The following UCHL3 variants were observed in gnomAD, a reference collection of about 807,000 sequenced individuals.
UCHL3 encodes ubiquitin C-terminal hydrolase L3, also known as ubiquitin carboxyl-terminal hydrolase isozyme L3.
In UCHL3, 22 loss-of-function variants were observed where a neutral mutation model predicts 35.8. The observed-to-expected ratio is 0.61, with a 90% confidence interval of 0.44 to 0.88. UCHL3 has a LOEUF of 0.88. UCHL3 is among the 40% of genes least tolerant of loss of function. The pLI is 0.00. For synonymous variants in UCHL3, 90 were observed against 92.8 expected, an observed-to-expected ratio of 0.97 and a Z score of 0.17; for missense variants, 229 against 276.9, an observed-to-expected ratio of 0.83 and a Z score of 1.23.
At chr13:75,604,054 AT>A (rs1283590813) in intron 7 of UCHL3, among the ~76,000 whole-genome samples, 1 of 152,124 alleles carries the variant, frequency 6.6e-6, no homozygotes, top group African/African-American at 2.4e-5. Context: ...AATTTTTATT[AT>A]GGTTAGAAAC....
intron 6 of UCHL3, among the ~76,000 whole-genome samples, chr13:75,591,188 TATACTC>T (rs1305967986): frequency 1.3e-5 from 2 of 152,236 alleles, no homozygotes; most frequent in Admixed American, 1.3e-4. Flanking sequence ...CTTCTAGTGT[TATACTC>T]AAACTGTGAA....
intron 6 of UCHL3, among the ~76,000 whole-genome samples, chr13:75,571,612 A>G (rs2031858875): frequency 6.6e-6 from 1 of 152,016 alleles, no homozygotes; most frequent in Non-Finnish European, 1.5e-5. Flanking sequence ...GTTCTCATTC[A>G]TTTTCACACA....
intron 7 of UCHL3, among the ~76,000 whole-genome samples, chr13:75,597,970 G>C (rs1313238934): frequency 1.3e-5 from 2 of 152,082 alleles, no homozygotes; most frequent in Admixed American, 6.6e-5. Flanking sequence ...TATGTAAAGG[G>C]GAAGAAGTAC....
intron 6 of UCHL3, among the ~76,000 whole-genome samples, chr13:75,579,197 A>G (rs2032109930): frequency 6.6e-6 from 1 of 152,098 alleles, no homozygotes; most frequent in Admixed American, 6.5e-5. Flanking sequence ...GATATTAGGA[A>G]GAAGCTTAGT....
chr13:75,550,264 G>C (rs2073644315), intron 2 of UCHL3, among the ~76,000 whole-genome samples: 1 of 152,138 alleles, frequency 6.6e-6, no homozygotes, highest in African/African-American at 2.4e-5. Context: ...CTTTTACCCT[G>C]TATTCCTATT....
chr13:75,577,216 C>T (rs1237739496), intron 6 of UCHL3, among the ~76,000 whole-genome samples: 44 of 152,104 alleles, frequency 2.9e-4, no homozygotes, highest in Admixed American at 2.7e-3. Flanking sequence ...TGCTGCTGCA[C>T]TCCAGCCTGG....
intron 6 of UCHL3, chr13:75,589,972 G>C (rs1298906823): frequency 4.6e-6 from 6 of 1,304,504 alleles, no homozygotes; most frequent in Non-Finnish European, 6.1e-6. Flanking sequence ...CCTCATTCTA[G>C]CCACTGCAGA....
At chr13:75,592,446 A>ATG (rs1555276763) in intron 6 of UCHL3, among the ~76,000 whole-genome samples, 7 of 71,072 alleles carry the variant, frequency 9.8e-5, no homozygotes, top group African/African-American at 2.0e-4. Flanking sequence ...ATATATATAT[A>ATG]TATATATATA....
At chr13:75,569,568 G>A (rs1164368801) in intron 6 of UCHL3, 61 bp downstream of exon 6, 4 of 1,462,784 alleles carry the variant, frequency 2.7e-6, no homozygotes, top group African/African-American at 2.8e-5. Flanking sequence ...ATTTCTTGCT[G>A]TAAATTTAAC....
intron 2 of UCHL3, among the ~76,000 whole-genome samples, chr13:75,556,065 T>C (rs1472140675): frequency 1.3e-5 from 2 of 152,244 alleles, no homozygotes; most frequent in Non-Finnish European, 2.9e-5. Context: ...TCATAAAATA[T>C]GCCTCCTATA....
intron 6 of UCHL3, among the ~76,000 whole-genome samples, chr13:75,587,437 A>G (rs1269579037): frequency 6.6e-6 from 1 of 152,098 alleles, no homozygotes; most frequent in Non-Finnish European, 1.5e-5. Context: ...AAAGTATTAT[A>G]TCAATATAAA....
intron 5 of UCHL3, 52 bp downstream of exon 5, chr13:75,567,364 T>A: frequency 6.6e-7 from 1 of 1,510,876 alleles, no homozygotes; most frequent in Non-Finnish European, 9.2e-7. Context: ...TTTGTGGGAT[T>A]GTAGATGTGT....
chr13:75,560,635 A>G, intron 2 of UCHL3, 118 bp from the exon 3 acceptor site: 3 of 957,150 alleles, frequency 3.1e-6, no homozygotes, highest in South Asian at 1.8e-5. Flanking sequence ...CTTTATAGGT[A>G]TTAGATACAG....
chr13:75,594,864 ATTTG>A (rs774842832), intron 6 of UCHL3, 47 bp from the exon 7 acceptor site: 6 of 1,358,412 alleles, frequency 4.4e-6, no homozygotes, highest in African/African-American at 1.5e-5. Context: ...TACATGACTG[ATTTG>A]TTTGACTACT....
chr13:75,596,377 A>G (rs7982613), intron 7 of UCHL3, among the ~76,000 whole-genome samples: 77,971 of 151,866 alleles, frequency 0.51, 20,215 homozygotes, highest in East Asian at 0.63. Flanking sequence ...GTGCCTTGCT[A>G]ATTGAGTCTA....
In UCHL3 at chr13:75,560,830, G is replaced by A; in HGVS notation, c.132G>A (p.Met44Ile). 1 of 1,572,256 alleles carries A rather than the reference G, an allele frequency of 6.4e-7. No homozygotes were observed. The highest frequency in any genetic ancestry group is 8.6e-7 in the Non-Finnish European group (1 of 1,165,262). The change falls in exon 3 of 9, where the codon ATG (methionine) becomes ATA (isoleucine). Residue 44 changes from methionine to isoleucine, a missense_variant. Met to Ile is a conservative substitution (Grantham distance 10). Transcript: ENST00000377595. The stretch of plus-strand genomic sequence containing the variant: ...GAATGGATCCTGAACTCCTTAGCAT[G>A]GTACCAAGACCAGTCTGTGCAGTCT... ...VYGMDPELLS[M>I]VPRPVCAVLL...
At chr13:75,602,455 G>T (rs1423656785) in intron 7 of UCHL3, among the ~76,000 whole-genome samples, 1 of 152,172 alleles carries the variant, frequency 6.6e-6, no homozygotes, top group Non-Finnish European at 1.5e-5. Flanking sequence ...GGGTTTTTAG[G>T]TTACATGACC....
intron 6 of UCHL3, among the ~76,000 whole-genome samples, chr13:75,590,829 T>TA (rs920780221): frequency 6.6e-6 from 1 of 152,212 alleles, no homozygotes; most frequent in Non-Finnish European, 1.5e-5. Flanking sequence ...TGCAAACTAT[T>TA]AAAAATACAT....
chr13:75,566,742 A>G lies in UCHL3; in HGVS notation c.231A>G (p.Gly77=), dbSNP rs756013143. ...TEEEEKIKSQ[G]QDVTSSVYFM... ...AGGAAGAAAAAATAAAATCTCAGGGACAAGATGTTACATCATCAGTATATT... is the reference window on the plus strand; with the variant it reads ...AGGAAGAAAAAATAAAATCTCAGGGGCAAGATGTTACATCATCAGTATATT... The change falls in exon 4 of 9, where the codon GGA becomes GGG. Residue 77 remains glycine, a synonymous_variant. Transcript: ENST00000377595. The G allele has an allele frequency of 3.7e-6, 6 of 1,605,514 alleles. No homozygotes were observed. The South Asian group carries it at 6.7e-5, about 18-fold the overall frequency.
Sources: gnomAD v4.1 joint callset for allele counts (sites outside exome capture counted in the v4.1 genomes callset) on GRCh38, gnomAD v4.1.1 for gene constraint, MANE v1.5 for transcripts, NCBI Gene and HGNC (gene_info 2026-07-23, HGNC 2026-07-21) for gene names.